The following PCOLCE2 variants were observed in gnomAD, a reference collection of about 807,000 sequenced individuals.
PCOLCE2 encodes the protein procollagen C-endopeptidase enhancer 2.
PCOLCE2 carries 42 observed loss-of-function variants against 47.0 expected under a neutral mutation model. The ratio of observed to expected loss-of-function variants is 0.89; its 90% CI spans 0.70 to 1.16. The LOEUF (loss-of-function observed/expected upper bound fraction) is 1.16, where lower values mean the gene tolerates loss of function less well. Among genes scored for constraint, PCOLCE2 ranks in the 50% most tolerant of loss-of-function variants. The probability of loss-of-function intolerance (pLI) is 0.00; values close to 1 mark genes in which losing one functional copy is unlikely to be tolerated. For missense variants in PCOLCE2, 500 were observed against 526.1 expected (o/e 0.95, Z 0.49); for synonymous variants, 169 against 191.7 (o/e 0.88, Z 0.98).
Position 142,887,784 on chromosome 3 carries a change from A to G in PCOLCE2, c.84-7T>C. The G allele has an allele frequency of 1.4e-6, 2 of 1,449,144 alleles. No homozygotes were observed. The highest frequency in any genetic ancestry group is 2.3e-5 in the East Asian group (1 of 44,124). The allele number at this position is 1,449,144 out of a possible 1,614,324, so 89.8% of individuals were successfully genotyped here. A position where few individuals can be genotyped will look rare whatever the true frequency, so the allele number is the denominator to read the frequency against. On this transcript the variant is annotated splice_polypyrimidine_tract_variant and splice_region_variant and intron_variant, in intron 1 of 8. Coordinates refer to ENST00000295992, the MANE Select transcript of PCOLCE2 (RefSeq NM_013363.4). ...ACCACATGTGAAAACAGGTCTGGGA[A>G]CATAAAAGAAGAAAAGATAATGTAA...
chr3:142,870,905 G>A (rs951931190), intron 2 of PCOLCE2, among the ~76,000 whole-genome samples: 6 of 151,974 alleles, frequency 3.9e-5, no homozygotes, highest in Non-Finnish European at 8.8e-5. Flanking sequence ...CTAAAGTACT[G>A]GTCCAAGAAG....
At chr3:142,827,088 C>T (rs1937088346) in intron 6 of PCOLCE2, 3 of 1,344,904 alleles carry the variant, frequency 2.2e-6, no homozygotes, top group East Asian at 2.4e-5. Context: ...TTATTGAGCC[C>T]CTTAGCACTA....
intron 2 of PCOLCE2, among the ~76,000 whole-genome samples, chr3:142,869,721 A>T (rs1933348063): frequency 6.6e-6 from 1 of 152,252 alleles, no homozygotes; most frequent in Non-Finnish European, 1.5e-5. Context: ...CCAAACAGAA[A>T]AATCTTTGAA....
intron 8 of PCOLCE2, among the ~76,000 whole-genome samples, chr3:142,820,336 A>T (rs187857805): frequency 1.3e-5 from 2 of 152,276 alleles, no homozygotes; most frequent in East Asian, 3.9e-4. Context: ...AAAACCATGA[A>T]ACATATGTTA....
chr3:142,859,564 G>GT (rs1253853763), intron 2 of PCOLCE2, among the ~76,000 whole-genome samples: 1,711 of 144,250 alleles, frequency 0.012, 31 homozygotes, highest in African/African-American at 0.037. Context: ...TTTCTTTCTT[G>GT]TTTTTTTTTT....
intron 5 of PCOLCE2, among the ~76,000 whole-genome samples, chr3:142,837,458 C>G (rs568716745): frequency 4.8e-5 from 6 of 125,248 alleles, no homozygotes; most frequent in Non-Finnish European, 1.1e-4. Flanking sequence ...ACATTCTTAT[C>G]AATGTAAATG....
rs1937274852 is a variant in PCOLCE2, at chr3:142,842,513, G to A, written c.573+411C>T. 6.6e-6 allele frequency among the ~76,000 whole-genome samples: 1 copy of A among 152,106 alleles called. No homozygotes were observed. Among genetic ancestry groups the A allele is most frequent in the Non-Finnish European group, 1.5e-5 (1 of 68,022 alleles). ...AGCATTTTGGGAGGCTAAGGCAGAC[G>A]GATCTCCTGAGGCCGGGAGTTTGAG... On this transcript the variant is annotated intron_variant, in intron 4 of 8. Coordinates refer to ENST00000295992, the MANE Select transcript of PCOLCE2 (RefSeq NM_013363.4). The surrounding 1 kb of genome is among the most constrained non-coding windows in gnomAD (Gnocchi z 4.1).
intron 2 of PCOLCE2, among the ~76,000 whole-genome samples, chr3:142,852,792 A>G (rs1170989701): frequency 2.7e-5 from 4 of 150,430 alleles, no homozygotes; most frequent in Non-Finnish European, 4.4e-5. Flanking sequence ...CAAAATGCAC[A>G]GTGACTTTTT....
At chr3:142,846,248 G>A (rs1937327254) in intron 3 of PCOLCE2, among the ~76,000 whole-genome samples, 1 of 152,044 alleles carries the variant, frequency 6.6e-6, no homozygotes, top group Non-Finnish European at 1.5e-5. Context: ...GCCCAGGTTG[G>A]AGGGCAGTGG....
intron 2 of PCOLCE2, among the ~76,000 whole-genome samples, chr3:142,867,150 T>TA (rs956190568): frequency 3.9e-5 from 6 of 152,188 alleles, no homozygotes; most frequent in African/African-American, 1.4e-4. Flanking sequence ...CCTCCCAGTA[T>TA]AACTGACTGT....
At chr3:142,872,691 GA>G (rs947355404) in intron 2 of PCOLCE2, among the ~76,000 whole-genome samples, 2 of 151,740 alleles carry the variant, frequency 1.3e-5, no homozygotes, top group Admixed American at 1.3e-4. Flanking sequence ...ACCCCTAAGG[GA>G]AAAAAAATCT....
chr3:142,835,001 T>C (rs1937187383), intron 5 of PCOLCE2, among the ~76,000 whole-genome samples: 3 of 152,038 alleles, frequency 2.0e-5, no homozygotes, highest in Admixed American at 2.0e-4. Flanking sequence ...TGGCTTTTTC[T>C]TTCTCCTGTG....
chr3:142,839,965 G>T (rs568556158), intron 4 of PCOLCE2, among the ~76,000 whole-genome samples: 2 of 152,326 alleles, frequency 1.3e-5, no homozygotes, highest in Non-Finnish European at 2.9e-5. Flanking sequence ...GTATGTCAGG[G>T]AGTAGTAGTG....
chr3:142,869,318 C>T (rs1045185924), intron 2 of PCOLCE2, among the ~76,000 whole-genome samples: 7 of 151,724 alleles, frequency 4.6e-5, no homozygotes, highest in African/African-American at 9.7e-5. Flanking sequence ...AAAACAGAGA[C>T]CTTAAGACTG....
chr3:142,884,070 G>A (rs1258502009), intron 2 of PCOLCE2, among the ~76,000 whole-genome samples: 1 of 152,168 alleles, frequency 6.6e-6, no homozygotes, highest in Admixed American at 6.5e-5. Context: ...ATGTTGCAGT[G>A]AAATACATCA....
chr3:142,877,888 A>G (rs1933532171), intron 2 of PCOLCE2, among the ~76,000 whole-genome samples: 1 of 152,152 alleles, frequency 6.6e-6, no homozygotes, highest in Non-Finnish European at 1.5e-5. Context: ...TCTGTGCCCA[A>G]TCCAGCACCT....
intron 2 of PCOLCE2, among the ~76,000 whole-genome samples, chr3:142,868,247 A>C (rs912023488): frequency 6.6e-6 from 1 of 152,122 alleles, no homozygotes; most frequent in African/African-American, 2.4e-5. Context: ...GCCTCCAAGG[A>C]CCACTTAATA....
chr3:142,865,777 A>T (rs1229966513), intron 2 of PCOLCE2, among the ~76,000 whole-genome samples: 4 of 152,246 alleles, frequency 2.6e-5, no homozygotes, highest in Non-Finnish European at 4.4e-5. Flanking sequence ...CAATGTATGG[A>T]GAACTTGGAA....
At position 142,818,087 on chromosome 3, in the gene PCOLCE2, A is replaced by G. The variant is rs954944471; in HGVS notation, c.*248T>C. ...CAAGCTGTCAACGCTTGACACTTTT[A>G]GCTTCCTATCACCGCACTAAGTCGG... On this transcript the variant is annotated 3_prime_UTR_variant, in exon 9 of 9. Coordinates refer to ENST00000295992, the MANE Select transcript of PCOLCE2 (RefSeq NM_013363.4). The G allele has an allele frequency of 6.8e-5, 25 of 365,980 alleles. No individual in the cohort carries two copies. The highest frequency in any genetic ancestry group is 5.1e-4 in the African/African-American group (25 of 49,166). 22.7% of individuals were successfully genotyped at this position (365,980 alleles called of 1,614,324 possible).
Sources: gnomAD v4.1 joint callset for allele counts (sites outside exome capture counted in the v4.1 genomes callset) on GRCh38, gnomAD v4.1.1 for gene constraint, Gnocchi (gnomAD v3.1) non-coding constraint, MANE v1.5 for transcripts, NCBI Gene and HGNC (gene_info 2026-07-23, HGNC 2026-07-21) for gene names.